The following ASPM variants were observed in gnomAD, a reference collection of about 807,000 sequenced individuals.
ASPM encodes the protein assembly factor for spindle microtubules.
Under a neutral mutation model 366.4 loss-of-function variants are expected in ASPM, and 256 were observed. That is an observed-to-expected ratio of 0.70 (90% CI 0.63 to 0.77). The LOEUF (loss-of-function observed/expected upper bound fraction) is 0.77. Ranked by LOEUF, ASPM falls within the 30% of genes least tolerant of loss-of-function variation. ASPM has a pLI of 0.00. For synonymous variants in ASPM, 1,414 were observed against 1,342.9 expected, an observed-to-expected ratio of 1.05 and a Z score of -1.16; for missense variants, 4,146 against 4,090.4, an observed-to-expected ratio of 1.01 and a Z score of -0.37.
At position 197,101,799 on chromosome 1, in the gene ASPM, T is replaced by G. The variant is rs145884637; in HGVS notation, c.7452A>C (p.Ala2484=). ...KKKLQEMQRA[A]VLIQATFRMY... ...TCCTGAAAGTAGCCTGAATGAGAAC[T>G]GCAGCCCTTTGCATTTCTTGTAACT... is the stretch of plus-strand genomic sequence containing the variant. Residue 2484 remains alanine, a synonymous_variant, in exon 18 of 28, where the codon GCA becomes GCC. Transcript: ENST00000367409. 2 of 1,612,872 alleles carry G rather than the reference T, an allele frequency of 1.2e-6. No homozygotes were observed. Among genetic ancestry groups the G allele is most frequent in the Non-Finnish European group, 1.7e-6 (2 of 1,179,332 alleles).
At chr1:197,123,959 G>T in intron 13 of ASPM, 151 bp downstream of exon 13, 1 of 667,084 alleles carries the variant, frequency 1.5e-6, no homozygotes, top group Non-Finnish European at 2.6e-6. Flanking sequence ...GAAATACAGT[G>T]TATGATAAAA....
In ASPM at chr1:197,093,344, T is replaced by C. The variant is rs116297575; in HGVS notation, c.9085-83A>G. The C allele has an allele frequency of 1.9e-3, 1,941 of 1,030,678 alleles. 22 individuals carry two copies. The African/African-American group carries it at 0.026, about 14-fold the overall frequency. 63.8% of individuals were successfully genotyped at this position (1,030,678 alleles called of 1,614,324 possible). A position where few individuals can be genotyped will look rare whatever the true frequency, so the allele number is the denominator to read the frequency against. On this transcript the variant is annotated intron_variant, in intron 20 of 27. Coordinates refer to ENST00000367409, the MANE Select transcript of ASPM (RefSeq NM_018136.5). The stretch of plus-strand genomic sequence containing the variant: ...CACTAGAAGTTCTTGAATTTCTCAA[T>C]GAGATGGCATAATTATGATTTATAG...
At position 197,133,476 on chromosome 1, in the gene ASPM, G is replaced by C. The variant is rs201917170; in HGVS notation, c.2293C>G (p.Leu765Val). ...AYTARCRLNR[L>V]RRAACRLFTS... ...AACAAACGGCATGCTGCACGACGTAGTCTGTTTAACCTACACCGAGCAGTA... is the reference window on the plus strand; with the variant it reads ...AACAAACGGCATGCTGCACGACGTACTCTGTTTAACCTACACCGAGCAGTA... The change falls in exon 6 of 28, where the codon CTA becomes GTA. Residue 765 changes from leucine (L) to valine (V), a missense_variant. Leu to Val is a conservative substitution (Grantham distance 32, BLOSUM62 1). Around this residue, in one of 3 missense-constraint regions of ASPM, gnomAD observed 3,624 missense variants for 3,591.7 expected, o/e 1.01. Transcript: ENST00000367409. The C allele has an allele frequency of 2.5e-6, 4 of 1,614,056 alleles. No homozygotes were observed. In the African/African-American group the frequency reaches 5.3e-5, roughly 22 times the overall value.
Position 197,133,398 on chromosome 1 carries a change from C to T in ASPM, c.2371G>A (p.Ala791Thr), listed in dbSNP as rs1227535188. The T allele has an allele frequency of 1.2e-6, 2 of 1,613,990 alleles. No homozygotes were observed. Among genetic ancestry groups the T allele is most frequent in the Admixed American group, 1.7e-5 (1 of 60,002 alleles). ...TCTTTTCGAACAATTAACCGCCTAG[C>T]TTCAATTTCAATTTCAAGCTTTTTA... Reference protein sequence around the residue: ...AIKKLEIEIEARRLIVRKDRH... With the variant: ...AIKKLEIEIETRRLIVRKDRH... The change falls in exon 6 of 28, where the codon GCT becomes ACT. Residue 791 changes from alanine to threonine, a missense_variant. This residue lies in a region of ASPM where 3,624 missense variants were observed against 3,591.7 expected (regional missense o/e 1.01). Coordinates refer to ENST00000367409, the MANE Select transcript of ASPM (RefSeq NM_018136.5).
At position 197,142,537 on chromosome 1, in the gene ASPM, G is replaced by A; in HGVS notation, c.1715C>T (p.Ala572Val). 1.2e-6 allele frequency: 2 copies of A among 1,613,996 alleles called. No individual in the cohort carries two copies. The highest frequency in any genetic ancestry group is 1.7e-6 in the Non-Finnish European group (2 of 1,179,890). Reference sequence around the variant, plus strand: ...GCTTCCATCGCTCTTTCTTTTCCGAGCAACTGAAGCTGTTGTCGAAGAGGG... The same window carrying A: ...GCTTCCATCGCTCTTTCTTTTCCGAACAACTGAAGCTGTTGTCGAAGAGGG... The part of the protein sequence containing the change: ...VTPSSTTASV[A>V]RKRKSDGSME... Residue 572 changes from alanine (A) to valine (V), a missense_variant, in exon 3 of 28, where the codon GCT (alanine) becomes GTT (valine). By Grantham distance (64) the Ala-to-Val change is moderately conservative (BLOSUM62 0). Coordinates refer to ENST00000367409, the MANE Select transcript of ASPM (RefSeq NM_018136.5).
At chr1:197,116,846 G>A (rs1407874098) in intron 17 of ASPM, among the ~76,000 whole-genome samples, 1 of 152,118 alleles carries the variant, frequency 6.6e-6, no homozygotes, top group Non-Finnish European at 1.5e-5. Context: ...AATTCAAAAA[G>A]TAAGCGAAAC....
rs775181222 is a variant in ASPM at position 197,101,939 on chromosome 1, G to C, written c.7312C>G (p.Gln2438Glu). The C allele has an allele frequency of 9.9e-6, 16 of 1,612,548 alleles. No individual in the cohort carries two copies. The highest frequency in any genetic ancestry group is 1.4e-5 in the Non-Finnish European group (16 of 1,179,244). The change falls in exon 18 of 28, where the codon CAG (glutamine) becomes GAG (glutamate). Residue 2438 changes from glutamine (Q) to glutamate (E), a missense_variant. Around this residue, in one of 3 missense-constraint regions of ASPM, gnomAD observed 3,624 missense variants for 3,591.7 expected, o/e 1.01. Transcript: ENST00000367409. ...CAAATGGTGGCTCGATATTTCCTCTGAACAAAAATAGTAGCTTTTTTGAGG... is the reference window on the plus strand; with the variant it reads ...CAAATGGTGGCTCGATATTTCCTCTCAACAAAAATAGTAGCTTTTTTGAGG... The part of the protein sequence containing the change: ...ISLKKATIFV[Q>E]RKYRATICAK...
chr1:197,135,101 G>C lies in ASPM; in HGVS notation c.2168C>G (p.Ser723Cys), dbSNP rs750708209. ...AACATTAATTTAACGTTTACCTTCA[G>C]AAATATTTGTTTTTACAGTGAAGTC... is the stretch of plus-strand genomic sequence containing the variant. ...PDDFTVKTNI[S>C]EVNAATLLLG... Residue 723 changes from serine (S) to cysteine (C), a missense_variant, in exon 5 of 28, where the codon TCT becomes TGT. Around this residue, in one of 3 missense-constraint regions of ASPM, gnomAD observed 3,624 missense variants for 3,591.7 expected, o/e 1.01. Transcript: ENST00000367409. 6.3e-6 allele frequency: 10 copies of C among 1,582,752 alleles called. No individual in the cohort carries two copies. The highest frequency in any genetic ancestry group is 7.8e-6 in the Non-Finnish European group (9 of 1,153,126).
rs897702160 is a variant in ASPM at position 197,124,855 on chromosome 1, C to A, written c.3168+15G>T. ...AAATTGATAAAAAATACAAGATGTA[C>A]CAAATGTATAATACCTGAAAAGCAA... On this transcript the variant is annotated intron_variant, in intron 12 of 27. Coordinates refer to ENST00000367409, the MANE Select transcript of ASPM (RefSeq NM_018136.5). 3.2e-6 allele frequency: 5 copies of A among 1,566,322 alleles called. No individual in the cohort carries two copies. The highest frequency in any genetic ancestry group is 2.2e-5 in the South Asian group (2 of 90,006).
Position 197,103,540 on chromosome 1 carries a change from A to G in ASPM, c.5711T>C (p.Ile1904Thr). Residue 1904 changes from isoleucine to threonine, a missense_variant, in exon 18 of 28, where the codon ATT (isoleucine) becomes ACT (threonine). Ile to Thr is a moderately conservative substitution (Grantham distance 89, BLOSUM62 -1). Around this residue, in one of 3 missense-constraint regions of ASPM, gnomAD observed 3,624 missense variants for 3,591.7 expected, o/e 1.01. Coordinates refer to ENST00000367409, the MANE Select transcript of ASPM (RefSeq NM_018136.5). ...CTTGGCCATTCTAAAAGCAGACTGA[A>G]TCTTCAAGGCAGCTTGATGTTCCCT... is the stretch of plus-strand genomic sequence containing the variant. ...IRREHQAALK[I>T]QSAFRMAKAQ... 6.2e-7 allele frequency: 1 copy of G among 1,613,188 alleles called. No homozygotes were observed. The highest frequency in any genetic ancestry group is 8.5e-7 in the Non-Finnish European group (1 of 1,179,530).
At chr1:197,096,323 T>A (rs1458839242) in intron 18 of ASPM, among the ~76,000 whole-genome samples, 159 bp from the exon 19 acceptor site, 2 of 151,796 alleles carry the variant, frequency 1.3e-5, no homozygotes, top group Non-Finnish European at 2.9e-5. Flanking sequence ...ATGTAATGAG[T>A]CTTCTGAGAA....
chr1:197,094,127 A>G lies in ASPM; in HGVS notation c.9041T>C (p.Ile3014Thr), dbSNP rs370990052. Residue 3014 changes from isoleucine (I) to threonine (T), a missense_variant, in exon 20 of 28, where the codon ATA (isoleucine) becomes ACA (threonine). Transcript: ENST00000367409. ...TTCATGAGCTATCTTTGCAGGAAGT[A>G]TAGCTCTCCATTTTCTCTGAATGAT... The part of the protein sequence containing the change: ...AIIIQRKWRA[I>T]LPAKIAHEHF... 51 of 1,607,680 alleles carry G rather than the reference A, an allele frequency of 3.2e-5. No individual in the cohort carries two copies. Among genetic ancestry groups the G allele is most frequent in the Non-Finnish European group, 4.3e-5 (50 of 1,176,172 alleles).
Position 197,084,200 on chromosome 1 carries a change from TTA to T in ASPM, c.*122_*123del. ...AAAAATGAAGAATGTAATGAACAGTTTATGTTTTTTTAAAACAAAGTCAGATT... is the reference window on the plus strand; with the variant it reads ...AAAAATGAAGAATGTAATGAACAGTTTGTTTTTTTAAAACAAAGTCAGATT... On this transcript the variant is annotated 3_prime_UTR_variant, in exon 28 of 28. Coordinates refer to ENST00000367409, the MANE Select transcript of ASPM (RefSeq NM_018136.5). 8 of 701,558 alleles carry T rather than the reference TTA, an allele frequency of 1.1e-5. No individual in the cohort carries two copies. Among genetic ancestry groups the T allele is most frequent in the South Asian group, 9.8e-5 (6 of 61,266 alleles). The allele number at this position is 701,558 out of a possible 1,614,324, so 43.5% of individuals were successfully genotyped here.
chr1:197,146,097 A>T (rs1331964892), intron 1 of ASPM, 44 bp downstream of exon 1: 1 of 1,612,530 alleles, frequency 6.2e-7, no homozygotes, highest in South Asian at 1.1e-5. Context: ...AAGATAGCGG[A>T]GAAGCAGAAC....
chr1:197,126,974 A>T (rs2125106397), intron 10 of ASPM, among the ~76,000 whole-genome samples: 1 of 152,294 alleles, frequency 6.6e-6, no homozygotes, highest in East Asian at 1.9e-4. Context: ...ATCTTCCTGA[A>T]ATTTTCATTG....
chr1:197,094,363 C>T (rs950752212), intron 19 of ASPM, among the ~76,000 whole-genome samples, 183 bp from the exon 20 acceptor site: 1 of 151,610 alleles, frequency 6.6e-6, no homozygotes, highest in African/African-American at 2.4e-5. Context: ...TACACACGCA[C>T]ACGAAAGAAG....
intron 13 of ASPM, 72 bp from the exon 14 acceptor site, chr1:197,122,667 C>A: frequency 7.3e-7 from 1 of 1,374,688 alleles, no homozygotes; most frequent in Non-Finnish European, 1.0e-6. Flanking sequence ...TTGCAGAATA[C>A]CTGTGAATAA....
In ASPM at chr1:197,138,717, G is replaced by C; in HGVS notation, c.2026+1050C>G. 7.5e-6 allele frequency: 5 copies of C among 670,128 alleles called. No homozygotes were observed. The South Asian group carries it at 7.9e-5, about 11-fold the overall frequency. 41.5% of individuals were successfully genotyped at this position (670,128 alleles called of 1,614,324 possible). ...ACAGGAAGCTGGGATGTGAATGATA[G>C]GGCTCTCAAACAGAAAATTAAGAGA... On this transcript the variant is annotated intron_variant, in intron 4 of 27. Transcript: ENST00000367409.
At chr1:197,132,180 C>T in intron 7 of ASPM, 105 bp downstream of exon 7, 3 of 904,956 alleles carry the variant, frequency 3.3e-6, no homozygotes, top group Non-Finnish European at 5.0e-6. Context: ...AACCTAATGA[C>T]TTTCAACTTT....
Sources: gnomAD v4.1 joint callset for allele counts (sites outside exome capture counted in the v4.1 genomes callset) on GRCh38, gnomAD v4.1.1 for gene constraint, gnomAD v4.1.1 regional missense constraint, MANE v1.5 for transcripts, NCBI Gene and HGNC (gene_info 2026-07-23, HGNC 2026-07-21) for gene names.